PPP1R14C: variants seen among roughly 807,000 people sequenced by gnomAD.
PPP1R14C encodes protein phosphatase 1 regulatory inhibitor subunit 14C.
In PPP1R14C, 16 loss-of-function variants were observed where a neutral mutation model predicts 20.4. The ratio of observed to expected loss-of-function variants is 0.78; its 90% confidence interval spans 0.53 to 1.19. The LOEUF (loss-of-function observed/expected upper bound fraction) is 1.19, where lower values mean the gene tolerates loss of function less well. Among genes scored for constraint, PPP1R14C ranks in the 50% most tolerant of loss-of-function variants. The pLI, the probability that PPP1R14C is intolerant of heterozygous loss-of-function variation, is 0.00. For synonymous variants in PPP1R14C, 91 were observed against 91.0 expected (o/e 1.00, Z 0.00); for missense variants, 211 against 220.1 (o/e 0.96, Z 0.26).
chr6:150,180,744 G>A (rs535760244), intron 1 of PPP1R14C, among the ~76,000 whole-genome samples: 57 of 152,254 alleles, frequency 3.7e-4, no homozygotes, highest in Middle Eastern at 3.4e-3. Context: ...GGGTGGGGGC[G>A]GAGTGAAGGG....
rs142243744 is a variant in PPP1R14C, at chr6:150,242,129, AAAC to A, written c.424-6599_424-6597del. Among the ~76,000 whole-genome samples the A allele has an allele frequency of 1.2e-4, 18 of 152,038 alleles. No homozygotes were observed. The East Asian group carries it at 1.4e-3, about 11-fold the overall frequency. ...ACACACAACAAAACAAAACAAAACA[AAAC>A]AACAACAACAACAACAAAAACCCTC... is the stretch of plus-strand genomic sequence containing the variant. On this transcript the variant is annotated intron_variant, in intron 3 of 3. Transcript: ENST00000361131.
At chr6:150,151,820 T>C (rs1228410992) in intron 1 of PPP1R14C, among the ~76,000 whole-genome samples, 1 of 152,160 alleles carries the variant, frequency 6.6e-6, no homozygotes, top group African/African-American at 2.4e-5. Context: ...AGTAGCTCCA[T>C]TTAAGAAGTG....
chr6:150,221,615 G>A (rs908683797), intron 3 of PPP1R14C, among the ~76,000 whole-genome samples: 2 of 152,116 alleles, frequency 1.3e-5, no homozygotes, highest in African/African-American at 4.8e-5. Flanking sequence ...AGGGTGAGTG[G>A]TGGAAAGAAT....
intron 1 of PPP1R14C, among the ~76,000 whole-genome samples, chr6:150,148,583 G>A (rs925925163): frequency 1.3e-5 from 2 of 152,190 alleles, no homozygotes; most frequent in African/African-American, 4.8e-5. Flanking sequence ...TCCAGGTACA[G>A]TATCACATCA....
chr6:150,222,188 TCA>T (rs1288828108), intron 3 of PPP1R14C, among the ~76,000 whole-genome samples: 4 of 126,302 alleles, frequency 3.2e-5, no homozygotes, highest in Non-Finnish European at 6.5e-5. Flanking sequence ...GCTGATCTAG[TCA>T]CATCTCATGT....
intron 3 of PPP1R14C, among the ~76,000 whole-genome samples, chr6:150,240,207 A>C (rs1190557452): frequency 6.6e-6 from 1 of 152,232 alleles, no homozygotes. Flanking sequence ...GGAATGAGAG[A>C]GGTGACATCA....
At chr6:150,243,459 T>A (rs1344894354) in intron 3 of PPP1R14C, among the ~76,000 whole-genome samples, 1 of 152,188 alleles carries the variant, frequency 6.6e-6, no homozygotes, top group Non-Finnish European at 1.5e-5. Flanking sequence ...ATTACAGGCA[T>A]GAGCCACGGC....
At chr6:150,149,975 A>C (rs551287955) in intron 1 of PPP1R14C, among the ~76,000 whole-genome samples, 1 of 152,332 alleles carries the variant, frequency 6.6e-6, no homozygotes, top group South Asian at 2.1e-4. Context: ...TTAGACTGTA[A>C]CAACTTGAAG....
At chr6:150,174,568 A>G (rs527551449) in intron 1 of PPP1R14C, among the ~76,000 whole-genome samples, 1 of 152,078 alleles carries the variant, frequency 6.6e-6, no homozygotes, top group South Asian at 2.1e-4. Context: ...GAGGGTAGGA[A>G]CATTGGCTTA....
chr6:150,214,427 C>A (rs1199473112), intron 1 of PPP1R14C, among the ~76,000 whole-genome samples: 1 of 152,086 alleles, frequency 6.6e-6, no homozygotes. Flanking sequence ...CTTAATTCTC[C>A]TTTGCTCCCC....
intron 3 of PPP1R14C, among the ~76,000 whole-genome samples, chr6:150,232,473 G>T (rs1467169066): frequency 6.6e-6 from 1 of 152,176 alleles, no homozygotes; most frequent in African/African-American, 2.4e-5. Flanking sequence ...TTTAAAAAAA[G>T]GCTTGTTTAA....
At chr6:150,189,467 T>C (rs1021300902) in intron 1 of PPP1R14C, among the ~76,000 whole-genome samples, 11 of 152,182 alleles carry the variant, frequency 7.2e-5, no homozygotes, top group East Asian at 1.9e-4. Context: ...GCCACTGTTA[T>C]TGGATTTGAG....
Position 150,205,008 on chromosome 6 carries a change from T to G in PPP1R14C, c.307-9736T>G, listed in dbSNP as rs547177882. On this transcript the variant is annotated intron_variant, in intron 1 of 3. Transcript: ENST00000361131. ...TCCAACTCAGAGTCTTTTTTTTTTT[T>G]TTGTTAAACTGTGTCTGGAGCACTT... Among the ~76,000 whole-genome samples the G allele has an allele frequency of 2.8e-4, 42 of 151,810 alleles. 2 individuals carry two copies. Among genetic ancestry groups the G allele is most frequent in the South Asian group, 1.5e-3 (7 of 4,800 alleles).
intron 3 of PPP1R14C, among the ~76,000 whole-genome samples, chr6:150,217,344 C>T (rs529656466): frequency 7.2e-5 from 11 of 151,992 alleles, no homozygotes; most frequent in Admixed American, 2.0e-4. Context: ...TACAGACGTG[C>T]GTCACCACGC....
At chr6:150,158,207 C>T (rs1319474349) in intron 1 of PPP1R14C, among the ~76,000 whole-genome samples, 2 of 152,140 alleles carry the variant, frequency 1.3e-5, no homozygotes, top group African/African-American at 2.4e-5. Context: ...TTATTAGCAA[C>T]ATCTACTATG....
At position 150,249,502 on chromosome 6, in the gene PPP1R14C, T is replaced by C. The variant is rs1056357105; in HGVS notation, c.*682T>C. 3 of 398,490 alleles carry C rather than the reference T, an allele frequency of 7.5e-6. No homozygotes were observed. The highest frequency in any genetic ancestry group is 1.3e-4 in the South Asian group (1 of 7,860). The allele number at this position is 398,490 out of a possible 1,614,324, so 24.7% of individuals were successfully genotyped here. The stretch of plus-strand genomic sequence containing the variant: ...TTGGTCAAGGGCTTAATTTATGGAA[T>C]TTCTATTATTTCATTGGTTGGGATG... On this transcript the variant is annotated 3_prime_UTR_variant, in exon 4 of 4. Transcript: ENST00000361131.
At chr6:150,228,422 G>A (rs1445563220) in intron 3 of PPP1R14C, among the ~76,000 whole-genome samples, 1 of 152,212 alleles carries the variant, frequency 6.6e-6, no homozygotes, top group East Asian at 1.9e-4. Flanking sequence ...CAGAGTCCAG[G>A]AAAGTGGCAA....
At chr6:150,171,941 G>T (rs1582902494) in intron 1 of PPP1R14C, among the ~76,000 whole-genome samples, 1 of 152,156 alleles carries the variant, frequency 6.6e-6, no homozygotes, top group East Asian at 1.9e-4. Context: ...GAGTAGCTGG[G>T]ATTACAGGTT....
At chr6:150,183,064 T>C (rs1186107408) in intron 1 of PPP1R14C, among the ~76,000 whole-genome samples, 1 of 152,208 alleles carries the variant, frequency 6.6e-6, no homozygotes, top group Non-Finnish European at 1.5e-5. Flanking sequence ...TTGGTGGAAA[T>C]ATTATTATGC....
Sources: gnomAD v4.1 joint callset for allele counts (sites outside exome capture counted in the v4.1 genomes callset) on GRCh38, gnomAD v4.1.1 for gene constraint, MANE v1.5 for transcripts, NCBI Gene and HGNC (gene_info 2026-07-23, HGNC 2026-07-21) for gene names.